Variants in KIR2DL3 observed in about 807,000 individuals in gnomAD.
The protein encoded by KIR2DL3 is killer cell immunoglobulin like receptor, two Ig domains and long cytoplasmic tail 3.
Under a neutral mutation model 33.8 loss-of-function variants are expected in KIR2DL3, and 39 were observed. The observed-to-expected ratio is 1.15, with a 90% CI of 0.89 to 1.51. The LOEUF is 1.51. KIR2DL3 is among the 40% of genes most tolerant of loss of function. The pLI, the probability that KIR2DL3 is intolerant of heterozygous loss-of-function variation, is 0.00. For missense variants in KIR2DL3, 462 were observed against 426.2 expected (o/e 1.08, Z -0.74); for synonymous variants, 174 against 160.2 (o/e 1.09, Z -0.65).
At chr19:54,745,214 G>A (rs369605389) in intron 4 of KIR2DL3, among the ~76,000 whole-genome samples, 2 of 152,010 alleles carry the variant, frequency 1.3e-5, no homozygotes, top group Non-Finnish European at 2.9e-5. Flanking sequence ...CAGGTAGGTT[G>A]ACTCCACATC....
rs1431163962 is a variant in KIR2DL3 at position 54,743,437 on chromosome 19, AATAG to A, written c.371-351_371-348del. On this transcript the variant is annotated intron_variant, in intron 3 of 7. Coordinates refer to ENST00000342376, the MANE Select transcript of KIR2DL3 (RefSeq NM_015868.3). The stretch of plus-strand genomic sequence containing the variant: ...TTTGTAGATAGGCACCGAATAGATA[AATAG>A]ATAGATCGACAGATAATAGATAGAA... 2.6e-3 allele frequency among the ~76,000 whole-genome samples: 391 copies of A among 152,348 alleles called. 1 individual carries two copies. Among genetic ancestry groups the A allele is most frequent in the African/African-American group, 9.1e-3 (379 of 41,550 alleles).
intron 2 of KIR2DL3, among the ~76,000 whole-genome samples, chr19:54,741,311 G>T (rs374618318): frequency 6.6e-6 from 1 of 151,136 alleles, no homozygotes. Context: ...CTTCACTCCA[G>T]CCTGGGTGAA....
chr19:54,743,956 A>G lies in KIR2DL3; in HGVS notation c.532A>G (p.Asn178Asp), dbSNP rs1438974272. 1 of 1,614,112 alleles carries G rather than the reference A, an allele frequency of 6.2e-7. No homozygotes were observed. Among genetic ancestry groups the G allele is most frequent in the Non-Finnish European group, 8.5e-7 (1 of 1,180,052 alleles). Residue 178 changes from asparagine (N) to aspartate (D), a missense_variant, in exon 4 of 8, where the codon AAC becomes GAC. Transcript: ENST00000342376. ...TAGGTTCTCTGCAGGGCCCAAGGTCAACGGAACATTCCAGGCCGACTTTCC... is the reference window on the plus strand; with the variant it reads ...TAGGTTCTCTGCAGGGCCCAAGGTCGACGGAACATTCCAGGCCGACTTTCC... ...ERRFSAGPKV[N>D]GTFQADFPLG...
intron 1 of KIR2DL3, 115 bp downstream of exon 1, chr19:54,738,694 A>T: frequency 6.7e-7 from 1 of 1,482,694 alleles, no homozygotes. Context: ...TGATGGGCCT[A>T]GAAGTGGAGA....
chr19:54,740,776 G>T (rs557795207), intron 2 of KIR2DL3, among the ~76,000 whole-genome samples: 2 of 152,108 alleles, frequency 1.3e-5, no homozygotes, highest in Non-Finnish European at 2.9e-5. Flanking sequence ...TAGGGGAAGG[G>T]ACTGAAGGGG....
intron 5 of KIR2DL3, among the ~76,000 whole-genome samples, chr19:54,748,377 A>G (rs1435244023): frequency 2.1e-5 from 3 of 144,604 alleles, no homozygotes; most frequent in Admixed American, 7.2e-5. Flanking sequence ...TCCATCTACA[A>G]TCTTCATTCC....
intron 4 of KIR2DL3, among the ~76,000 whole-genome samples, chr19:54,746,095 G>T (rs2072443627): frequency 7.4e-6 from 1 of 134,358 alleles, no homozygotes; most frequent in Admixed American, 7.7e-5. Flanking sequence ...TGACAGACGT[G>T]AGCCACCACG....
At chr19:54,748,620 T>A (rs1460141227) in intron 5 of KIR2DL3, among the ~76,000 whole-genome samples, 3 of 147,988 alleles carry the variant, frequency 2.0e-5, no homozygotes, top group Non-Finnish European at 4.5e-5. Flanking sequence ...ATCTATTTTT[T>A]GTTTGTTCTT....
rs1324873249 is a variant in KIR2DL3, at chr19:54,742,003, C to T, written c.94C>T (p.Leu32=). 2.5e-6 allele frequency: 4 copies of T among 1,611,220 alleles called. No homozygotes were observed. Among genetic ancestry groups the T allele is most frequent in the South Asian group, 2.2e-5 (2 of 90,940 alleles). ...HEGVHRKPSL[L]AHPGPLVKSE... ...AGGAGTCCACAGAAAACCTTCCCTC[C>T]TGGCCCACCCAGGTCCCCTGGTGAA... Residue 32 remains leucine, a synonymous_variant, in exon 3 of 8, where the codon CTG becomes TTG. Transcript: ENST00000342376.
intron 2 of KIR2DL3, among the ~76,000 whole-genome samples, chr19:54,741,224 A>G (rs1447493696): frequency 6.6e-6 from 1 of 151,530 alleles, no homozygotes; most frequent in Non-Finnish European, 1.5e-5. Flanking sequence ...ATGTAATCCT[A>G]GCGACTCAGG....
intron 2 of KIR2DL3, among the ~76,000 whole-genome samples, chr19:54,740,918 G>C (rs527281132): frequency 6.6e-6 from 1 of 151,904 alleles, no homozygotes; most frequent in East Asian, 1.9e-4. Flanking sequence ...CACCAGCTTT[G>C]AAGGTGGAGG....
At chr19:54,738,859 A>G in intron 1 of KIR2DL3, among the ~76,000 whole-genome samples, 1 of 100,966 alleles carries the variant, frequency 9.9e-6, no homozygotes, top group Admixed American at 1.0e-4. Context: ...TGCAGTAGAG[A>G]TAGGGGCCTG....
At chr19:54,749,363 ACC>A (rs1569003919) in intron 5 of KIR2DL3, among the ~76,000 whole-genome samples, 4 of 123,104 alleles carry the variant, frequency 3.2e-5, no homozygotes, top group African/African-American at 1.2e-4. Flanking sequence ...GGCAATTGCC[ACC>A]CCACTGGTGA....
At chr19:54,739,393 G>C (rs2070534302) in intron 1 of KIR2DL3, 114 bp from the exon 2 acceptor site, 1 of 1,577,262 alleles carries the variant, frequency 6.3e-7, no homozygotes, top group African/African-American at 1.4e-5. Flanking sequence ...CTGAGGGTGA[G>C]TTTAACTTCA....
chr19:54,744,873 T>TAA (rs1555906080), intron 4 of KIR2DL3, among the ~76,000 whole-genome samples: 3,504 of 51,804 alleles, frequency 0.068, no homozygotes, highest in African/African-American at 0.1. Context: ...AATACATTTA[T>TAA]ATATATATAT....
Position 54,742,295 on chromosome 19 carries a change from C to G in KIR2DL3, c.370+16C>G. On this transcript the variant is annotated intron_variant, in intron 3 of 7. Coordinates refer to ENST00000342376, the MANE Select transcript of KIR2DL3 (RefSeq NM_015868.3). ...GTCATCACAGGTGAGAGTGTCCGGA[C>G]ATTCTCATTGTCATTGGGATGCAGA... 1 of 1,595,174 alleles carries G rather than the reference C, an allele frequency of 6.3e-7. No homozygotes were observed. The highest frequency in any genetic ancestry group is 1.1e-5 in the South Asian group (1 of 90,444).
At chr19:54,744,897 TACAC>T (rs1190927916) in intron 4 of KIR2DL3, among the ~76,000 whole-genome samples, 6 of 57,466 alleles carry the variant, frequency 1.0e-4, no homozygotes, top group African/African-American at 3.9e-4. Flanking sequence ...TATATATATA[TACAC>T]ACACACACAC....
At chr19:54,741,763 A>C (rs1178640007) in intron 2 of KIR2DL3, among the ~76,000 whole-genome samples, 2 of 151,536 alleles carry the variant, frequency 1.3e-5, no homozygotes, top group Non-Finnish European at 2.9e-5. Context: ...CCCAGTGGGA[A>C]GGGAATCAGA....
intron 2 of KIR2DL3, among the ~76,000 whole-genome samples, chr19:54,740,834 G>C (rs1348574080): frequency 1.3e-5 from 2 of 152,092 alleles, no homozygotes; most frequent in Admixed American, 6.5e-5. Context: ...ACTGGGCTCA[G>C]TGTAATCACA....
Sources: allele counts gnomAD v4.1 joint callset (sites outside exome capture counted in the v4.1 genomes callset), GRCh38; gene constraint gnomAD v4.1.1; transcripts MANE v1.5; gene names NCBI Gene and HGNC (gene_info 2026-07-23, HGNC 2026-07-21).